GALNT9: variants seen among roughly 807,000 people sequenced by gnomAD.
GALNT9 encodes the protein GalNAc transferase 9.
A neutral mutation model predicts 63.1 loss-of-function variants in GALNT9; 47 were observed. The observed-to-expected ratio is 0.75, with a 90% CI of 0.59 to 0.95. The LOEUF is 0.95. Among genes scored for constraint, GALNT9 ranks in the 40% least tolerant of loss-of-function variants. The pLI is 0.00. For synonymous variants in GALNT9, 396 were observed against 365.7 expected (o/e 1.08, Z -0.94); for missense variants, 829 against 874.8 (o/e 0.95, Z 0.66).
Position 132,293,197 on chromosome 12 carries a change from AG to A in GALNT9, c.239-6768del, listed in dbSNP as rs1224781195. 9.1e-4 allele frequency among the ~76,000 whole-genome samples: 139 copies of A among 152,320 alleles called. 1 individual carries two copies. Among genetic ancestry groups the A allele is most frequent in the African/African-American group, 3.2e-3 (131 of 41,580 alleles). On this transcript the variant is annotated intron_variant, in intron 1 of 10. Coordinates refer to ENST00000328957, the MANE Select transcript of GALNT9 (RefSeq NM_001122636.2). ...TCAGGCAGCTGGGAGGCTGCAGGGA[AG>A]GGGCCTCCAGGCAGCATTCACTTGA...
At chr12:132,323,029 C>A (rs1868875881) in intron 1 of GALNT9, among the ~76,000 whole-genome samples, 1 of 152,232 alleles carries the variant, frequency 6.6e-6, no homozygotes, top group African/African-American at 2.4e-5. Flanking sequence ...GCTTCTCCAC[C>A]TCCTTGTCCC....
intron 6 of GALNT9, among the ~76,000 whole-genome samples, chr12:132,239,828 T>A (rs1878174534): frequency 6.7e-6 from 1 of 148,482 alleles, no homozygotes; most frequent in Non-Finnish European, 1.5e-5. Flanking sequence ...ACAGAAAGAC[T>A]GAGAGAGACA....
intron 2 of GALNT9, chr12:132,276,442 G>A (rs899786264): frequency 6.4e-5 from 10 of 155,148 alleles, no homozygotes; most frequent in Admixed American, 4.6e-4. Flanking sequence ...TCCCAGACCC[G>A]AGACGCAGAA....
In GALNT9 at chr12:132,203,672, T is replaced by TGCCGCCAC. The variant is rs1371259207; in HGVS notation, c.1088_1095dup (p.Ser366ValfsTer78). The TGCCGCCAC allele has an allele frequency of 9.9e-6, 16 of 1,612,802 alleles. No individual in the cohort carries two copies. The highest frequency in any genetic ancestry group is 1.4e-5 in the Non-Finnish European group (16 of 1,179,670). ...CGGGAGCAGGGCAGCACCTCCATGC[T>TGCCGCCAC]GCCGCCACACTGCCACACCTGCGGG... is the stretch of plus-strand genomic sequence containing the variant. On this transcript the variant is annotated frameshift_variant, in exon 7 of 11. Coordinates refer to ENST00000328957, the MANE Select transcript of GALNT9 (RefSeq NM_001122636.2). LOFTEE classifies it high-confidence loss of function.
rs1565978687 is a variant in GALNT9 at position 132,197,099 on chromosome 12, A to AG, written c.*7dup. The AG allele has an allele frequency of 6.2e-7, 1 of 1,613,652 alleles. No homozygotes were observed. The highest frequency in any genetic ancestry group is 8.5e-7 in the Non-Finnish European group (1 of 1,179,712). On this transcript the variant is annotated 3_prime_UTR_variant, in exon 11 of 11. Transcript: ENST00000328957. ...CCGAGGTCTGTGGGGGTCCGGGCGG[A>AG]GGTGGGGTCAGTGCCGTGCGTGTTT...
intron 6 of GALNT9, chr12:132,240,479 C>A: frequency 2.6e-6 from 1 of 388,892 alleles, no homozygotes; most frequent in South Asian, 1.9e-5. Flanking sequence ...AATAGCCGTG[C>A]CCAGCTCGGA....
intron 1 of GALNT9, among the ~76,000 whole-genome samples, chr12:132,301,086 T>C (rs554505335): frequency 6.6e-6 from 1 of 152,360 alleles, no homozygotes; most frequent in East Asian, 1.9e-4. Flanking sequence ...GTCACCCCCA[T>C]GTAACTGATG....
At chr12:132,213,490 G>A (rs1386191016) in intron 6 of GALNT9, among the ~76,000 whole-genome samples, 4 of 45,088 alleles carry the variant, frequency 8.9e-5, no homozygotes, top group South Asian at 8.7e-4. Flanking sequence ...CCACACACAC[G>A]CACTCCACTC....
chr12:132,259,507 A>G (rs1271388885), intron 4 of GALNT9, among the ~76,000 whole-genome samples: 1 of 152,218 alleles, frequency 6.6e-6, no homozygotes, highest in Non-Finnish European at 1.5e-5. Context: ...GGGAGGGCAC[A>G]GGGCAGAGGA....
chr12:132,269,388 C>A (rs1208346840), intron 2 of GALNT9, among the ~76,000 whole-genome samples: 1 of 152,178 alleles, frequency 6.6e-6, no homozygotes, highest in African/African-American at 2.4e-5. Flanking sequence ...GACCGCCAGG[C>A]GGAGCAGAGG....
At chr12:132,237,806 G>A (rs2136895570) in intron 6 of GALNT9, among the ~76,000 whole-genome samples, 19 of 152,230 alleles carry the variant, frequency 1.2e-4, no homozygotes, top group African/African-American at 3.6e-4. Context: ...CCGGGACAGC[G>A]CTTGACCCGA....
rs1555241757 is a variant in GALNT9 at position 132,282,418 on chromosome 12, TGTGCGTGTGTGC to T, written c.419+3820_419+3831del. Among the ~76,000 whole-genome samples, 1 of 152,216 alleles carries T rather than the reference TGTGCGTGTGTGC, an allele frequency of 6.6e-6. No homozygotes were observed. The highest frequency in any genetic ancestry group is 1.9e-4 in the East Asian group (1 of 5,162). ...ACGTGTGTGCGCGTGTGTGCGTGTG[TGTGCGTGTGTGC>T]GTGCATGCGTGTGTGTGCGTGTGCA... On this transcript the variant is annotated intron_variant, in intron 2 of 10. Coordinates refer to ENST00000328957, the MANE Select transcript of GALNT9 (RefSeq NM_001122636.2). The surrounding 1 kb of genome is among the most constrained non-coding windows in gnomAD (Gnocchi z 4.5).
chr12:132,218,756 C>T (rs953166587), intron 6 of GALNT9, among the ~76,000 whole-genome samples: 1 of 152,220 alleles, frequency 6.6e-6, no homozygotes, highest in African/African-American at 2.4e-5. Flanking sequence ...TCCTGGATGA[C>T]GGAGGTTTCA....
In GALNT9 at chr12:132,252,930, T is replaced by C. The variant is rs1181178637; in HGVS notation, c.959+4759A>G. Among the ~76,000 whole-genome samples the C allele has an allele frequency of 5.4e-5, 8 of 148,898 alleles. No individual in the cohort carries two copies. Among genetic ancestry groups the C allele is most frequent in the Non-Finnish European group, 1.0e-4 (7 of 67,512 alleles). On this transcript the variant is annotated intron_variant, in intron 5 of 10. Coordinates refer to ENST00000328957, the MANE Select transcript of GALNT9 (RefSeq NM_001122636.2). This position sits in a 1 kb window ranked among gnomAD's most constrained non-coding sequence, Gnocchi z 5.2. ...CCAGTAGTGGCCCCGAACGGCTGGG[T>C]GCGCTGATATTTATTGCATACAGGA...
At position 132,247,975 on chromosome 12, in the gene GALNT9, C is replaced by T. The variant is rs1555238235; in HGVS notation, c.1012G>A (p.Asp338Asn). The change falls in exon 6 of 11, where the codon GAC becomes AAC. Residue 338 changes from aspartate to asparagine, a missense_variant. Coordinates refer to ENST00000328957, the MANE Select transcript of GALNT9 (RefSeq NM_001122636.2). ...ATGCCGGGGTCCAGCAGCCCAATGT[C>T]TCCGAAGTACTCGCGGTCCACTACG... ...SFVVDREYFG[D>N]IGLLDPGMEV... 6.4e-7 allele frequency: 1 copy of T among 1,551,426 alleles called. No homozygotes were observed. Among genetic ancestry groups the T allele is most frequent in the African/African-American group, 1.4e-5 (1 of 73,080 alleles).
intron 1 of GALNT9, among the ~76,000 whole-genome samples, chr12:132,305,437 AGAATCG>A (rs1881561057): frequency 1.3e-5 from 1 of 76,820 alleles, no homozygotes; most frequent in African/African-American, 6.8e-5. Context: ...ACCCGGGCAC[AGAATCG>A]CCCAGACACA....
intron 1 of GALNT9, among the ~76,000 whole-genome samples, chr12:132,289,465 CA>C (rs1227242089): frequency 6.6e-6 from 1 of 152,254 alleles, no homozygotes; most frequent in Non-Finnish European, 1.5e-5. Context: ...AAGCTGTCCA[CA>C]CCCTAATCCC....
intron 6 of GALNT9, among the ~76,000 whole-genome samples, chr12:132,206,671 C>G (rs1161103679): frequency 1.3e-5 from 2 of 148,630 alleles, no homozygotes; most frequent in Non-Finnish European, 3.0e-5. Flanking sequence ...AGGACCAAAA[C>G]CACAGGCAGA....
At chr12:132,197,329 T>TTCGTGCTCTCAGCCC in intron 10 of GALNT9, 76 bp from the exon 11 acceptor site, 2 of 1,570,118 alleles carry the variant, frequency 1.3e-6, no homozygotes, top group Non-Finnish European at 1.7e-6. Context: ...GGGAGGCTGC[T>TTCGTGCTCTCAGCCC]TCGTGCTCTC....
Sources: allele counts gnomAD v4.1 joint callset (sites outside exome capture counted in the v4.1 genomes callset), GRCh38; gene constraint gnomAD v4.1.1; non-coding constraint Gnocchi (gnomAD v3.1); transcripts MANE v1.5; gene names NCBI Gene and HGNC (gene_info 2026-07-23, HGNC 2026-07-21).